The following MYO1D variants were observed in gnomAD, a reference collection of about 807,000 sequenced individuals.
The protein encoded by MYO1D is myosin ID, also known as unconventional myosin-Id.
In MYO1D, 83 loss-of-function variants were observed where a neutral mutation model predicts 122.0. The observed-to-expected ratio is 0.68, with a 90% CI of 0.57 to 0.82. MYO1D has a LOEUF of 0.82. Ranked by LOEUF, MYO1D falls within the 40% of genes least tolerant of loss-of-function variation. The pLI is 0.00. For synonymous variants in MYO1D, 464 were observed against 446.9 expected, an observed-to-expected ratio of 1.04 and a Z score of -0.48; for missense variants, 1,157 against 1,269.5, an observed-to-expected ratio of 0.91 and a Z score of 1.35.
At chr17:32,515,702 G>A (rs1025095557) in intron 21 of MYO1D, among the ~76,000 whole-genome samples, 13 of 152,140 alleles carry the variant, frequency 8.5e-5, no homozygotes, top group African/African-American at 3.1e-4. Context: ...TCCCATCCAG[G>A]CAACTATAAT....
rs2087958497 is a variant in MYO1D at position 32,628,558 on chromosome 17, C to T, written c.2709+10164G>A. Among the ~76,000 whole-genome samples, 9 of 152,162 alleles carry T rather than the reference C, an allele frequency of 5.9e-5. No homozygotes were observed. The South Asian group carries it at 1.9e-3, about 32-fold the overall frequency. On this transcript the variant is annotated intron_variant, in intron 20 of 21. Transcript: ENST00000318217. ...TTTTAATTATGTTTGCTTAGGCTTACATGAAGATCAAGCTTTGTCTCCTGA... is the reference window on the plus strand; with the variant it reads ...TTTTAATTATGTTTGCTTAGGCTTATATGAAGATCAAGCTTTGTCTCCTGA...
intron 13 of MYO1D, among the ~76,000 whole-genome samples, chr17:32,744,346 C>T (rs1418568185): frequency 1.3e-5 from 2 of 152,162 alleles, no homozygotes; most frequent in African/African-American, 4.8e-5. Context: ...TCCTTCCCAG[C>T]CCCTCCTCAT....
chr17:32,618,017 A>C (rs2087798451), intron 20 of MYO1D, among the ~76,000 whole-genome samples: 1 of 152,208 alleles, frequency 6.6e-6, no homozygotes, highest in Non-Finnish European at 1.5e-5. Context: ...AATGTTAATT[A>C]GTAAGTATGC....
chr17:32,525,523 T>C (rs184662830), intron 21 of MYO1D, among the ~76,000 whole-genome samples: 140 of 152,004 alleles, frequency 9.2e-4, no homozygotes, highest in Middle Eastern at 6.8e-3. Flanking sequence ...GACATCAGAG[T>C]TGTGCATCTG....
intron 20 of MYO1D, among the ~76,000 whole-genome samples, chr17:32,625,883 C>T (rs2087921534): frequency 6.6e-6 from 1 of 152,176 alleles, no homozygotes; most frequent in African/African-American, 2.4e-5. Flanking sequence ...GGGCAGGTAG[C>T]AGGTGGCTGT....
intron 21 of MYO1D, among the ~76,000 whole-genome samples, chr17:32,516,713 G>A (rs1188108968): frequency 6.6e-6 from 1 of 152,218 alleles, no homozygotes; most frequent in Non-Finnish European, 1.5e-5. Context: ...GGCAGTTTAG[G>A]CAAATTTCCC....
intron 8 of MYO1D, among the ~76,000 whole-genome samples, chr17:32,760,863 C>T (rs777597761): frequency 1.4e-4 from 21 of 152,142 alleles, no homozygotes; most frequent in Non-Finnish European, 2.5e-4. Context: ...GGTCATTATA[C>T]CAATTCCAAC....
chr17:32,559,947 A>G (rs543714819), intron 21 of MYO1D, among the ~76,000 whole-genome samples: 14 of 152,322 alleles, frequency 9.2e-5, no homozygotes, highest in Admixed American at 7.8e-4. Context: ...TATCCTATAG[A>G]AACCCTCATC....
At chr17:32,598,364 ACT>A (rs2087522910) in intron 21 of MYO1D, among the ~76,000 whole-genome samples, 2 of 152,004 alleles carry the variant, frequency 1.3e-5, no homozygotes, top group South Asian at 2.1e-4. Flanking sequence ...ACACAGCAAG[ACT>A]CTGTTTCAAA....
At chr17:32,691,938 G>T (rs1430954573) in intron 16 of MYO1D, among the ~76,000 whole-genome samples, 1 of 152,094 alleles carries the variant, frequency 6.6e-6, no homozygotes, top group African/African-American at 2.4e-5. Context: ...GTATTTGGTA[G>T]GTGAAAATAT....
At chr17:32,750,363 C>T (rs4795718) in intron 11 of MYO1D, among the ~76,000 whole-genome samples, 21,690 of 152,110 alleles carry the variant, frequency 0.14, 1,984 homozygotes, top group Middle Eastern at 0.29. Context: ...TCTGTAATCC[C>T]AGCACTTTGG....
At chr17:32,745,013 C>T (rs887405901) in intron 13 of MYO1D, among the ~76,000 whole-genome samples, 198 bp downstream of exon 13, 3 of 152,194 alleles carry the variant, frequency 2.0e-5, no homozygotes, top group Admixed American at 6.5e-5. Flanking sequence ...CAAAGCACAT[C>T]ATATTATTAG....
chr17:32,500,940 C>T (rs962980807), intron 21 of MYO1D, among the ~76,000 whole-genome samples: 6 of 149,598 alleles, frequency 4.0e-5, no homozygotes, highest in Admixed American at 2.0e-4. Context: ...ACCTGGGAGG[C>T]GGAGCTTGTA....
chr17:32,679,420 T>G, intron 16 of MYO1D, among the ~76,000 whole-genome samples: 1 of 152,142 alleles, frequency 6.6e-6, no homozygotes, highest in South Asian at 2.1e-4. Flanking sequence ...TTAATCCATC[T>G]TGAACTGATT....
chr17:32,556,424 T>TGGA (rs573084982), intron 21 of MYO1D, among the ~76,000 whole-genome samples: 134 of 152,142 alleles, frequency 8.8e-4, no homozygotes, highest in African/African-American at 3.0e-3. Flanking sequence ...TCGAAGTGGG[T>TGGA]GGAGGAAGCC....
At chr17:32,580,558 C>T (rs942961340) in intron 21 of MYO1D, among the ~76,000 whole-genome samples, 17 of 151,230 alleles carry the variant, frequency 1.1e-4, no homozygotes, top group East Asian at 1.9e-4. Flanking sequence ...TACAGGCGCC[C>T]GCCACCAGGC....
At chr17:32,764,494 T>A (rs553448399) in intron 8 of MYO1D, among the ~76,000 whole-genome samples, 1 of 152,340 alleles carries the variant, frequency 6.6e-6, no homozygotes, top group South Asian at 2.1e-4. Context: ...GATCATTCCA[T>A]AATGTGTACA....
chr17:32,608,869 TC>T (rs1363550533), intron 20 of MYO1D, among the ~76,000 whole-genome samples: 1 of 152,176 alleles, frequency 6.6e-6, no homozygotes, highest in African/African-American at 2.4e-5. Context: ...TAGATAAATC[TC>T]ACAGGCATTA....
At chr17:32,644,045 G>T (rs2088248032) in intron 19 of MYO1D, among the ~76,000 whole-genome samples, 1 of 151,748 alleles carries the variant, frequency 6.6e-6, no homozygotes, top group Admixed American at 6.6e-5. Context: ...TTTCTCTTGT[G>T]GGCATTTAGT....
Sources: allele counts gnomAD v4.1 joint callset (sites outside exome capture counted in the v4.1 genomes callset), GRCh38; gene constraint gnomAD v4.1.1; transcripts MANE v1.5; gene names NCBI Gene and HGNC (gene_info 2026-07-23, HGNC 2026-07-21).